Variants in ITPRID1 observed in about 807,000 individuals in gnomAD.
The protein encoded by ITPRID1 is protein ITPRID1.
ITPRID1 carries 96 observed loss-of-function variants against 95.4 expected under a neutral mutation model. That is an observed-to-expected ratio of 1.01 (90% CI 0.85 to 1.19). The LOEUF is 1.19. Among genes scored for constraint, ITPRID1 ranks in the 50% most tolerant of loss-of-function variants. ITPRID1 has a pLI of 0.00. For synonymous variants in ITPRID1, 510 were observed against 453.6 expected, an observed-to-expected ratio of 1.12 and a Z score of -1.58; for missense variants, 1,339 against 1,252.9, an observed-to-expected ratio of 1.07 and a Z score of -1.04.
chr7:31,520,935 A>G (rs1208926918), intron 1 of ITPRID1, among the ~76,000 whole-genome samples: 1 of 151,958 alleles, frequency 6.6e-6, no homozygotes, highest in East Asian at 1.9e-4. Context: ...CACAACTGTA[A>G]GAACCCTGGC....
intron 13 of ITPRID1, among the ~76,000 whole-genome samples, chr7:31,651,709 A>C (rs989017544): frequency 1.3e-5 from 2 of 152,158 alleles, no homozygotes; most frequent in Non-Finnish European, 2.9e-5. Context: ...TAAATTTATT[A>C]AAAATTATTA....
At chr7:31,575,463 A>G (rs568431551) in intron 8 of ITPRID1, among the ~76,000 whole-genome samples, 1 of 152,298 alleles carries the variant, frequency 6.6e-6, no homozygotes, top group East Asian at 1.9e-4. Flanking sequence ...ATTACTAAGC[A>G]TGTTCTTGAG....
rs1784288169 is a variant in ITPRID1, at chr7:31,551,639, C to T, written c.-23-1363C>T. ...CAACAATAAATGTATATATTTATAC[C>T]TGACAGAATTTGAATATATAAAGCA... On this transcript the variant is annotated intron_variant, in intron 2 of 14. Transcript: ENST00000615280. Among the ~76,000 whole-genome samples the T allele has an allele frequency of 1.4e-5, 2 of 142,724 alleles. 1 individual carries two copies. Among genetic ancestry groups the T allele is most frequent in the African/African-American group, 4.9e-5 (2 of 40,548 alleles). The allele number at this position is 142,724 out of a possible 152,430, so 93.6% of individuals were successfully genotyped here.
intron 10 of ITPRID1, among the ~76,000 whole-genome samples, chr7:31,633,299 A>G (rs1439351708): frequency 6.6e-6 from 1 of 151,938 alleles, no homozygotes; most frequent in East Asian, 1.9e-4. Context: ...TATGACCGAC[A>G]AATGTAAAAT....
intron 10 of ITPRID1, among the ~76,000 whole-genome samples, chr7:31,585,946 G>A (rs1426239036): frequency 1.2e-4 from 18 of 146,852 alleles, no homozygotes; most frequent in African/African-American, 2.5e-4. Context: ...CCACTAACTC[G>A]TCATCTAGCA....
chr7:31,527,088 A>T (rs1372423317), intron 1 of ITPRID1, among the ~76,000 whole-genome samples: 1 of 152,068 alleles, frequency 6.6e-6, no homozygotes. Flanking sequence ...AGTGGAATTT[A>T]TTCTCTCTCT....
At chr7:31,629,813 A>G (rs574222370) in intron 10 of ITPRID1, among the ~76,000 whole-genome samples, 1 of 152,346 alleles carries the variant, frequency 6.6e-6, no homozygotes, top group South Asian at 2.1e-4. Context: ...GAAAGGCCTC[A>G]GGAAATAGAG....
chr7:31,590,446 G>A (rs1168630048), intron 10 of ITPRID1, among the ~76,000 whole-genome samples: 1 of 152,070 alleles, frequency 6.6e-6, no homozygotes, highest in Non-Finnish European at 1.5e-5. Context: ...GGTTGCAGTT[G>A]GACTCTTAAT....
chr7:31,617,546 C>A (rs1196004216), intron 10 of ITPRID1, among the ~76,000 whole-genome samples: 1 of 151,928 alleles, frequency 6.6e-6, no homozygotes, highest in East Asian at 1.9e-4. Context: ...AGAGTTCAGA[C>A]AAAATTATTT....
intron 10 of ITPRID1, among the ~76,000 whole-genome samples, chr7:31,585,468 G>C (rs1355298402): frequency 6.6e-6 from 1 of 151,806 alleles, no homozygotes; most frequent in Non-Finnish European, 1.5e-5. Flanking sequence ...GGAATATAAG[G>C]AAAAAAAGGA....
At chr7:31,522,154 T>C (rs1184066456) in intron 1 of ITPRID1, among the ~76,000 whole-genome samples, 3 of 152,152 alleles carry the variant, frequency 2.0e-5, no homozygotes, top group Non-Finnish European at 4.4e-5. Flanking sequence ...GAAGTTGTTT[T>C]TCATATTTCT....
At position 31,572,111 on chromosome 7, in the gene ITPRID1, T is replaced by A; in HGVS notation, c.318T>A (p.His106Gln). ...ATTTTCCCAACTGTAGATCTTTGCA[T>A]CAGTTTTCAGAAACTCCCATCCTAT... ...MTVKDYMRSL[H>Q]QFSETPILSR... The change falls in exon 7 of 15, where the codon CAT becomes CAA. Residue 106 changes from histidine to glutamine, a missense_variant. By Grantham distance (24) the His-to-Gln change is conservative. Coordinates refer to ENST00000615280, the MANE Select transcript of ITPRID1 (RefSeq NM_001257967.3). The A allele has an allele frequency of 6.2e-7, 1 of 1,605,828 alleles. No homozygotes were observed. Among genetic ancestry groups the A allele is most frequent in the Non-Finnish European group, 8.5e-7 (1 of 1,173,210 alleles).
rs141967287 is a variant in ITPRID1, at chr7:31,628,051, C to G, written c.1229-14125C>G. On this transcript the variant is annotated intron_variant, in intron 10 of 14. Transcript: ENST00000615280. ...GCAGAAAGTCTTTGTCACCCCAGGC[C>G]TAAAAAAGCAGAGGGAGCCGACTAC... Among the ~76,000 whole-genome samples, 767 of 152,242 alleles carry G rather than the reference C, an allele frequency of 5.0e-3. 7 individuals carry two copies. The highest frequency in any genetic ancestry group is 0.018 in the African/African-American group (739 of 41,552).
chr7:31,537,357 A>G (rs1343396728), intron 1 of ITPRID1, among the ~76,000 whole-genome samples: 1 of 152,032 alleles, frequency 6.6e-6, no homozygotes, highest in Non-Finnish European at 1.5e-5. Flanking sequence ...TTACCCATGG[A>G]GTTTTTCTCC....
chr7:31,603,966 ATGT>A (rs1381997800), intron 10 of ITPRID1, among the ~76,000 whole-genome samples: 8 of 152,090 alleles, frequency 5.3e-5, no homozygotes, highest in African/African-American at 2.4e-5. Flanking sequence ...GCTCCTGTAA[ATGT>A]TGTTGATGCC....
At position 31,573,669 on chromosome 7, in the gene ITPRID1, C is replaced by T. The variant is rs545210190; in HGVS notation, c.396-871C>T. 5.2e-4 allele frequency among the ~76,000 whole-genome samples: 79 copies of T among 152,014 alleles called. 1 individual carries two copies. The highest frequency in any genetic ancestry group is 1.9e-3 in the African/African-American group (77 of 41,528). ...AAATCTCGTCAAAAGGTCTGCTTCC[C>T]ATGGAATCCATGAAAGACTCCCATA... On this transcript the variant is annotated intron_variant, in intron 7 of 14. Transcript: ENST00000615280.
intron 10 of ITPRID1, among the ~76,000 whole-genome samples, chr7:31,638,227 A>G (rs907041290): frequency 2.6e-5 from 4 of 152,250 alleles, no homozygotes; most frequent in African/African-American, 9.6e-5. Context: ...AGGAAACTGA[A>G]AAGTTTTAAT....
At chr7:31,545,941 G>T (rs1784082281) in intron 1 of ITPRID1, among the ~76,000 whole-genome samples, 2 of 152,194 alleles carry the variant, frequency 1.3e-5, no homozygotes, top group African/African-American at 4.8e-5. Context: ...GTTTTTGAGT[G>T]ATCTTCCAAA....
intron 10 of ITPRID1, among the ~76,000 whole-genome samples, chr7:31,612,511 G>GGTTT (rs533768299): frequency 7.9e-5 from 12 of 151,962 alleles, no homozygotes; most frequent in Non-Finnish European, 1.5e-4. Flanking sequence ...TGTTGTTTCT[G>GGTTT]GTTTGTTTGT....
Sources: allele counts gnomAD v4.1 joint callset (sites outside exome capture counted in the v4.1 genomes callset), GRCh38; gene constraint gnomAD v4.1.1; transcripts MANE v1.5; gene names NCBI Gene and HGNC (gene_info 2026-07-23, HGNC 2026-07-21).